Variants in SCRT2 observed in about 807,000 individuals in gnomAD.
SCRT2 encodes the protein scratch family transcriptional repressor 2, also known as transcriptional repressor scratch 2.
SCRT2 carries 2 observed loss-of-function variants against 3.7 expected under a neutral mutation model. That is an observed-to-expected ratio of 0.54 (90% CI 0.22 to 1.70). SCRT2 has a LOEUF of 1.70. SCRT2 is among the 40% of genes most tolerant of loss of function. The pLI is 0.19. For missense variants in SCRT2, 456 were observed against 468.5 expected, an observed-to-expected ratio of 0.97 and a Z score of 0.25; for synonymous variants, 256 against 220.6, an observed-to-expected ratio of 1.16 and a Z score of -1.42.
chr20:663,397 A>G lies in SCRT2; in HGVS notation c.*274T>C, dbSNP rs975807792. 2.8e-6 allele frequency: 1 copy of G among 358,126 alleles called. No individual in the cohort carries two copies. The highest frequency in any genetic ancestry group is 5.0e-6 in the Non-Finnish European group (1 of 201,944). 22.2% of individuals were successfully genotyped at this position (358,126 alleles called of 1,614,324 possible). A position where few individuals can be genotyped will look rare whatever the true frequency, so the allele number is the denominator to read the frequency against. On this transcript the variant is annotated 3_prime_UTR_variant, in exon 2 of 2. Coordinates refer to ENST00000246104, the MANE Select transcript of SCRT2 (RefSeq NM_033129.4). The surrounding 1 kb of genome is among the most constrained non-coding windows in gnomAD (Gnocchi z 6.9). ...GGGAGAGGTGCGGACCTGGTGCCTG[A>G]GTTGGGAGCCTTGAAGGCGCGGACA...
At chr20:673,028 G>A (rs1349423523) in intron 1 of SCRT2, among the ~76,000 whole-genome samples, 1 of 152,060 alleles carries the variant, frequency 6.6e-6, no homozygotes, top group Non-Finnish European at 1.5e-5. Context: ...GAGGGAAGAG[G>A]CCCCTGAAAA....
intron 1 of SCRT2, among the ~76,000 whole-genome samples, chr20:672,769 C>G (rs560515797): frequency 2.3e-4 from 33 of 144,774 alleles, no homozygotes; most frequent in African/African-American, 8.4e-4. Flanking sequence ...CTTCTCCTCC[C>G]TCCCTCTCCT....
chr20:666,914 C>CA lies in SCRT2; in HGVS notation c.134-2454_134-2453insT, dbSNP rs1984172148. 2.0e-5 allele frequency among the ~76,000 whole-genome samples: 3 copies of CA among 151,478 alleles called. No individual in the cohort carries two copies. On this transcript the variant is annotated intron_variant, in intron 1 of 1. Transcript: ENST00000246104. The surrounding 1 kb of genome is among the most constrained non-coding windows in gnomAD (Gnocchi z 4.4). ...CTTTGGGTGGGTTGTGCTTCAGGTCCTTTTTTTTTAAAATGGGATTTATCT... is the reference window on the plus strand; with the variant it reads ...CTTTGGGTGGGTTGTGCTTCAGGTCCATTTTTTTTTAAAATGGGATTTATCT...
rs912695538 is a variant in SCRT2, at chr20:675,647, C to A, written c.-46G>T. On this transcript the variant is annotated 5_prime_UTR_variant, in exon 1 of 2. Coordinates refer to ENST00000246104, the MANE Select transcript of SCRT2 (RefSeq NM_033129.4). This position sits in a 1 kb window ranked among gnomAD's most constrained non-coding sequence, Gnocchi z 6.9. ...CGGTGCGGGGAGGCGGCCGGCCGGG[C>A]GCGATCGGCTGTGTCCGCGCGGGTT... is the stretch of plus-strand genomic sequence containing the variant. 2 of 1,236,956 alleles carry A rather than the reference C, an allele frequency of 1.6e-6. No homozygotes were observed. The highest frequency in any genetic ancestry group is 2.0e-6 in the Non-Finnish European group (2 of 978,376). 76.6% of individuals were successfully genotyped at this position (1,236,956 alleles called of 1,614,324 possible).
rs1984032474 is a variant in SCRT2, at chr20:663,590, G to C, written c.*81C>G. On this transcript the variant is annotated 3_prime_UTR_variant, in exon 2 of 2. Transcript: ENST00000246104. This position sits in a 1 kb window ranked among gnomAD's most constrained non-coding sequence, Gnocchi z 6.9. ...TGGGCAGGGAAACGCAGCCGGGGCT[G>C]GGCGAGGGCGCTGCGGGCGCAGGTA... The C allele has an allele frequency of 8.1e-7, 1 of 1,241,544 alleles. No homozygotes were observed. The highest frequency in any genetic ancestry group is 2.5e-5 in the South Asian group (1 of 40,496). 76.9% of individuals were successfully genotyped at this position (1,241,544 alleles called of 1,614,324 possible).
intron 1 of SCRT2, among the ~76,000 whole-genome samples, chr20:672,423 G>A (rs1417555408): frequency 6.6e-6 from 1 of 150,706 alleles, no homozygotes; most frequent in South Asian, 2.1e-4. Context: ...GTGTGTGTGT[G>A]CGCGCGTGCG....
At position 664,360 on chromosome 20, in the gene SCRT2, C is replaced by A. The variant is rs769821819; in HGVS notation, c.235G>T (p.Glu79Ter). ...GGGCTTTCGGGGTCGCTGTACTCCT[C>A]CGGCGCCGCCGGCGGGTACGCGGGC... ...AEPAYPPAAP[E>*]EYSDPESPQS... Residue 79 changes from glutamate to a stop codon, truncating the protein, a stop_gained, in exon 2 of 2, where the codon GAG (glutamate) becomes TAG (stop). Transcript: ENST00000246104. LOFTEE classifies it low-confidence loss of function (END_TRUNC). The surrounding 1 kb of genome is among the most constrained non-coding windows in gnomAD (Gnocchi z 7.9). 1 of 1,452,260 alleles carries A rather than the reference C, an allele frequency of 6.9e-7. No individual in the cohort carries two copies. Among genetic ancestry groups the A allele is most frequent in the Non-Finnish European group, 9.2e-7 (1 of 1,089,880 alleles). 90.0% of individuals were successfully genotyped at this position (1,452,260 alleles called of 1,614,324 possible).
chr20:675,643 CG>C lies in SCRT2; in HGVS notation c.-43del. The C allele has an allele frequency of 8.1e-7, 1 of 1,238,468 alleles. No individual in the cohort carries two copies. The highest frequency in any genetic ancestry group is 1.0e-6 in the Non-Finnish European group (1 of 979,756). 76.7% of individuals were successfully genotyped at this position (1,238,468 alleles called of 1,614,324 possible). ...GGCTCGGTGCGGGGAGGCGGCCGGC[CG>C]GGCGCGATCGGCTGTGTCCGCGCGG... is the stretch of plus-strand genomic sequence containing the variant. On this transcript the variant is annotated 5_prime_UTR_variant, in exon 1 of 2. Coordinates refer to ENST00000246104, the MANE Select transcript of SCRT2 (RefSeq NM_033129.4). The surrounding 1 kb of genome is among the most constrained non-coding windows in gnomAD (Gnocchi z 6.9).
Position 663,653 on chromosome 20 carries a change from G to C in SCRT2, c.*18C>G, listed in dbSNP as rs965282254. Reference sequence around the variant, plus strand: ...CGCGTGGAGAGCGAGTTCCGGGCGCGAGGGCGAGGCGGAAGGCTCAGCTGG... The same window carrying C: ...CGCGTGGAGAGCGAGTTCCGGGCGCCAGGGCGAGGCGGAAGGCTCAGCTGG... On this transcript the variant is annotated 3_prime_UTR_variant, in exon 2 of 2. Transcript: ENST00000246104. This position sits in a 1 kb window ranked among gnomAD's most constrained non-coding sequence, Gnocchi z 6.9. 20 of 1,392,574 alleles carry C rather than the reference G, an allele frequency of 1.4e-5. No individual in the cohort carries two copies. In the African/African-American group the frequency reaches 2.7e-4, roughly 19 times the overall value. The allele number at this position is 1,392,574 out of a possible 1,614,324, so 86.3% of individuals were successfully genotyped here. A position where few individuals can be genotyped will look rare whatever the true frequency, so the allele number is the denominator to read the frequency against.
At chr20:674,399 T>TCTCACACACA (rs1399542427) in intron 1 of SCRT2, among the ~76,000 whole-genome samples, 1 of 106,732 alleles carries the variant, frequency 9.4e-6, no homozygotes, top group African/African-American at 4.0e-5. Flanking sequence ...TCTCTCTCTC[T>TCTCACACACA]CACACACACA....
chr20:675,521 G>T lies in SCRT2; in HGVS notation c.81C>A (p.Pro27=). The T allele has an allele frequency of 7.2e-7, 1 of 1,394,342 alleles. No individual in the cohort carries two copies. The highest frequency in any genetic ancestry group is 9.4e-7 in the Non-Finnish European group (1 of 1,069,214). 86.4% of individuals were successfully genotyped at this position (1,394,342 alleles called of 1,614,324 possible). ...CSGVPAPTYH[P]LETAYVLPGA... is the part of the protein sequence containing the mutation. ...CAGGCAGCACGTAGGCTGTCTCCAAGGGGTGGTAGGTGGGGGCCGGCACCC... is the reference window on the plus strand; with the variant it reads ...CAGGCAGCACGTAGGCTGTCTCCAATGGGTGGTAGGTGGGGGCCGGCACCC... The change falls in exon 1 of 2, where the codon CCC becomes CCA. Residue 27 remains proline, a synonymous_variant. Transcript: ENST00000246104. The surrounding 1 kb of genome is among the most constrained non-coding windows in gnomAD (Gnocchi z 6.9).
chr20:667,746 C>G lies in SCRT2; in HGVS notation c.134-3285G>C, dbSNP rs1274681182. Reference sequence around the variant, plus strand: ...TCAGGATAGGAATTGTGAGCCCAGACCAGACACCCAGTCAGTGGATTTTGG... The same window carrying G: ...TCAGGATAGGAATTGTGAGCCCAGAGCAGACACCCAGTCAGTGGATTTTGG... On this transcript the variant is annotated intron_variant, in intron 1 of 1. Transcript: ENST00000246104. This position sits in a 1 kb window ranked among gnomAD's most constrained non-coding sequence, Gnocchi z 4.4. Among the ~76,000 whole-genome samples the G allele has an allele frequency of 2.6e-5, 4 of 152,182 alleles. No homozygotes were observed. Among genetic ancestry groups the G allele is most frequent in the African/African-American group, 9.7e-5 (4 of 41,442 alleles).
intron 1 of SCRT2, among the ~76,000 whole-genome samples, chr20:672,524 G>A (rs1215245648): frequency 1.3e-5 from 2 of 151,756 alleles, no homozygotes; most frequent in African/African-American, 4.8e-5. Context: ...CTTTAATTTG[G>A]GGTTCTGCAT....
chr20:664,592 C>G lies in SCRT2; in HGVS notation c.134-131G>C. 3 of 565,706 alleles carry G rather than the reference C, an allele frequency of 5.3e-6. No homozygotes were observed. The highest frequency in any genetic ancestry group is 7.9e-6 in the Non-Finnish European group (3 of 378,412). The allele number at this position is 565,706 out of a possible 1,614,324, so 35.0% of individuals were successfully genotyped here. On this transcript the variant is annotated intron_variant, in intron 1 of 1. Transcript: ENST00000246104. This position sits in a 1 kb window ranked among gnomAD's most constrained non-coding sequence, Gnocchi z 7.9. ...AGCTCCGACAGTGGTGGTCTCCGAC[C>G]TGCACCTCAGCTCTTCCTGTCAGGC...
chr20:669,560 G>T (rs1984265648), intron 1 of SCRT2, among the ~76,000 whole-genome samples: 1 of 152,226 alleles, frequency 6.6e-6, no homozygotes, highest in Middle Eastern at 3.2e-3. Flanking sequence ...CTGGTGGGGG[G>T]CCAGCTTCCC....
Position 666,805 on chromosome 20 carries a change from C to T in SCRT2, c.134-2344G>A, listed in dbSNP as rs1984169144. 6.6e-6 allele frequency among the ~76,000 whole-genome samples: 1 copy of T among 152,200 alleles called. No individual in the cohort carries two copies. On this transcript the variant is annotated intron_variant, in intron 1 of 1. Coordinates refer to ENST00000246104, the MANE Select transcript of SCRT2 (RefSeq NM_033129.4). This position sits in a 1 kb window ranked among gnomAD's most constrained non-coding sequence, Gnocchi z 4.4. The stretch of plus-strand genomic sequence containing the variant: ...ATAGACAGTCCTGTTCACCTGGTCT[C>T]AGGGCAGGTCTGCATCTCATGTGTC...
rs886405871 is a variant in SCRT2, at chr20:667,831, A to G, written c.134-3370T>C. On this transcript the variant is annotated intron_variant, in intron 1 of 1. Transcript: ENST00000246104. The surrounding 1 kb of genome is among the most constrained non-coding windows in gnomAD (Gnocchi z 4.4). ...GTCATGTTAGGAGGAGGTGGTTCTA[A>G]CTTGCTTTGTGACTGTGGCCAGGTT... 6.6e-6 allele frequency among the ~76,000 whole-genome samples: 1 copy of G among 152,116 alleles called. No individual in the cohort carries two copies. The highest frequency in any genetic ancestry group is 6.5e-5 in the Admixed American group (1 of 15,282).
At chr20:674,399 TCACACACACACACACACACACA>T (rs57092015) in intron 1 of SCRT2, among the ~76,000 whole-genome samples, 1 of 106,732 alleles carries the variant, frequency 9.4e-6, no homozygotes, top group East Asian at 3.0e-4. Context: ...TCTCTCTCTC[TCACACACACACACACACACACA>T]CACACACACA....
In SCRT2 at chr20:675,777, C is replaced by CGT; in HGVS notation, c.-177_-176insAC. 1 of 231,286 alleles carries CGT rather than the reference C, an allele frequency of 4.3e-6. No individual in the cohort carries two copies. Among genetic ancestry groups the CGT allele is most frequent in the Non-Finnish European group, 7.9e-6 (1 of 125,940 alleles). The allele number at this position is 231,286 out of a possible 1,614,324, so 14.3% of individuals were successfully genotyped here. A position where few individuals can be genotyped will look rare whatever the true frequency, so the allele number is the denominator to read the frequency against. ...GGGCTCGGGCTTGGCGGCGGCGGCG[C>CGT]GCAGACAGGGGATCGCGGGAGCTGC... On this transcript the variant is annotated 5_prime_UTR_variant, in exon 1 of 2. Coordinates refer to ENST00000246104, the MANE Select transcript of SCRT2 (RefSeq NM_033129.4). The surrounding 1 kb of genome is among the most constrained non-coding windows in gnomAD (Gnocchi z 6.9).
Sources: gnomAD v4.1 joint callset for allele counts (sites outside exome capture counted in the v4.1 genomes callset) on GRCh38, gnomAD v4.1.1 for gene constraint, Gnocchi (gnomAD v3.1) non-coding constraint, MANE v1.5 for transcripts, NCBI Gene and HGNC (gene_info 2026-07-23, HGNC 2026-07-21) for gene names.